The following GPATCH2 variants were observed in gnomAD, a reference collection of about 807,000 sequenced individuals.
GPATCH2 encodes the protein G patch domain-containing protein 2.
Under a neutral mutation model 58.0 loss-of-function variants are expected in GPATCH2, and 51 were observed. That is an observed-to-expected ratio of 0.88 (90% CI 0.70 to 1.11). The LOEUF is 1.11. Ranked by LOEUF, GPATCH2 falls within the 50% of genes most tolerant of loss-of-function variation. The pLI, the probability that GPATCH2 is intolerant of heterozygous loss-of-function variation, is 0.00. For synonymous variants in GPATCH2, 222 were observed against 218.5 expected (o/e 1.02, Z -0.14); for missense variants, 625 against 652.2 (o/e 0.96, Z 0.45).
chr1:217,619,908 T>C lies in GPATCH2; in HGVS notation c.648A>G (p.Ile216Met), dbSNP rs1669096538. ...CTTGGATTTTTGGTCCTTGTCTGAT[T>C]ATTTTCAACTTTCTTTTTTTGACTT... is the stretch of plus-strand genomic sequence containing the variant. ...KNKVKKRKLK[I>M]IRQGPKIQDE... is the part of the protein sequence containing the mutation. Residue 216 changes from isoleucine (I) to methionine (M), a missense_variant, in exon 2 of 10, where the codon ATA becomes ATG. Ile to Met is a conservative substitution (Grantham distance 10). Transcript: ENST00000366935. 5 of 1,613,856 alleles carry C rather than the reference T, an allele frequency of 3.1e-6. No individual in the cohort carries two copies. In the South Asian group the frequency reaches 5.5e-5, roughly 18 times the overall value.
At chr1:217,475,538 G>A (rs1220233677) in intron 8 of GPATCH2, among the ~76,000 whole-genome samples, 2 of 152,132 alleles carry the variant, frequency 1.3e-5, no homozygotes, top group African/African-American at 4.8e-5. Flanking sequence ...TAAGTTACTT[G>A]GGGCAGAGTG....
At chr1:217,457,401 G>A (rs1659991921) in intron 8 of GPATCH2, among the ~76,000 whole-genome samples, 1 of 152,118 alleles carries the variant, frequency 6.6e-6, no homozygotes, top group South Asian at 2.1e-4. Context: ...TACCTCAAAA[G>A]ATTTCATTTA....
chr1:217,431,131 C>G lies in GPATCH2; in HGVS notation c.*14G>C, dbSNP rs770118626. 3 of 1,193,380 alleles carry G rather than the reference C, an allele frequency of 2.5e-6. No homozygotes were observed. In the East Asian group the frequency reaches 7.0e-5, roughly 28 times the overall value. 73.9% of individuals were successfully genotyped at this position (1,193,380 alleles called of 1,614,324 possible). ...AGTGAATAAAGTCTGTAAAACATTT[C>G]TTCTTTGCTTTTCTTAGGCGGATTT... On this transcript the variant is annotated 3_prime_UTR_variant, in exon 10 of 10. Coordinates refer to ENST00000366935, the MANE Select transcript of GPATCH2 (RefSeq NM_018040.5).
intron 6 of GPATCH2, among the ~76,000 whole-genome samples, chr1:217,507,524 C>A (rs937014549): frequency 6.6e-6 from 1 of 152,134 alleles, no homozygotes. Context: ...TTCTGAGTCT[C>A]AGTTTCTTCC....
At chr1:217,562,783 T>C (rs1284250928) in intron 5 of GPATCH2, among the ~76,000 whole-genome samples, 1 of 152,188 alleles carries the variant, frequency 6.6e-6, no homozygotes, top group Non-Finnish European at 1.5e-5. Context: ...TTTCTTCATC[T>C]GTTAAAACGG....
Position 217,618,389 on chromosome 1 carries a change from C to T in GPATCH2, c.773+1394G>A, listed in dbSNP as rs192371657. ...CACTCGGCTAATTTTTCTATTTTTG[C>T]TAGAGACGGGGTTTCACCATACTGG... On this transcript the variant is annotated intron_variant, in intron 2 of 9. Coordinates refer to ENST00000366935, the MANE Select transcript of GPATCH2 (RefSeq NM_018040.5). Among the ~76,000 whole-genome samples, 9 of 151,850 alleles carry T rather than the reference C, an allele frequency of 5.9e-5. No homozygotes were observed. The East Asian group carries it at 1.8e-3, about 30-fold the overall frequency.
At chr1:217,543,771 T>C (rs1319667650) in intron 5 of GPATCH2, among the ~76,000 whole-genome samples, 1 of 152,170 alleles carries the variant, frequency 6.6e-6, no homozygotes, top group Non-Finnish European at 1.5e-5. Context: ...AGAAAGAGTG[T>C]ATTAAATGAA....
At chr1:217,588,345 T>A (rs968958784) in intron 5 of GPATCH2, among the ~76,000 whole-genome samples, 1 of 152,152 alleles carries the variant, frequency 6.6e-6, no homozygotes, top group Non-Finnish European at 1.5e-5. Flanking sequence ...TGCCTAAGAA[T>A]GCAATAACCA....
intron 8 of GPATCH2, among the ~76,000 whole-genome samples, chr1:217,459,646 T>G (rs1185947282): frequency 6.6e-6 from 1 of 152,202 alleles, no homozygotes; most frequent in East Asian, 1.9e-4. Context: ...CAGATTCAGA[T>G]GTAATCCCAC....
chr1:217,486,580 G>T (rs552341291), intron 8 of GPATCH2, among the ~76,000 whole-genome samples: 1 of 152,062 alleles, frequency 6.6e-6, no homozygotes, highest in African/African-American at 2.4e-5. Flanking sequence ...TGATCCTCCC[G>T]CCTTGGCCTT....
chr1:217,544,458 C>T (rs1293124686), intron 5 of GPATCH2, among the ~76,000 whole-genome samples: 1 of 152,164 alleles, frequency 6.6e-6, no homozygotes, highest in East Asian at 1.9e-4. Context: ...AACCCAGAGG[C>T]CAACATTCTT....
intron 9 of GPATCH2, among the ~76,000 whole-genome samples, chr1:217,448,612 C>G (rs1659505134): frequency 6.6e-6 from 1 of 152,194 alleles, no homozygotes; most frequent in Non-Finnish European, 1.5e-5. Context: ...GGCTTCCTGT[C>G]CTCTCCGATC....
At chr1:217,543,207 C>G (rs992097904) in intron 5 of GPATCH2, among the ~76,000 whole-genome samples, 4 of 150,940 alleles carry the variant, frequency 2.7e-5, no homozygotes, top group African/African-American at 9.7e-5. Flanking sequence ...GTGTTGGCTC[C>G]AGAGTCAGTT....
At chr1:217,581,003 G>A (rs1354206965) in intron 5 of GPATCH2, among the ~76,000 whole-genome samples, 1 of 137,064 alleles carries the variant, frequency 7.3e-6, no homozygotes, top group Non-Finnish European at 1.5e-5. Flanking sequence ...GCGACAGAGC[G>A]AGACTCCGTC....
At chr1:217,577,482 G>T (rs1287523672) in intron 5 of GPATCH2, among the ~76,000 whole-genome samples, 1 of 152,112 alleles carries the variant, frequency 6.6e-6, no homozygotes, top group Non-Finnish European at 1.5e-5. Context: ...AAGTTATATG[G>T]TAGTGTGAGG....
intron 9 of GPATCH2, among the ~76,000 whole-genome samples, chr1:217,442,921 C>T (rs921564750): frequency 6.6e-6 from 1 of 151,842 alleles, no homozygotes; most frequent in African/African-American, 2.4e-5. Context: ...TTATTTCTTC[C>T]TTTCTGGAAT....
chr1:217,443,511 A>G (rs1383687133), intron 9 of GPATCH2, among the ~76,000 whole-genome samples: 1 of 152,034 alleles, frequency 6.6e-6, no homozygotes, highest in Non-Finnish European at 1.5e-5. Context: ...CTTTATTTAT[A>G]TTTAATATTT....
chr1:217,494,693 G>A (rs1661920339), intron 7 of GPATCH2, among the ~76,000 whole-genome samples: 2 of 151,896 alleles, frequency 1.3e-5, no homozygotes, highest in Admixed American at 1.3e-4. Context: ...GCAGTGAGCC[G>A]AGATTGCGCC....
intron 5 of GPATCH2, among the ~76,000 whole-genome samples, chr1:217,606,518 G>A (rs559632623): frequency 6.6e-6 from 1 of 152,174 alleles, no homozygotes; most frequent in South Asian, 2.1e-4. Flanking sequence ...AACACTCTGA[G>A]AGGCTTGAGC....
Sources: allele counts gnomAD v4.1 joint callset (sites outside exome capture counted in the v4.1 genomes callset), GRCh38; gene constraint gnomAD v4.1.1; transcripts MANE v1.5; gene names NCBI Gene and HGNC (gene_info 2026-07-23, HGNC 2026-07-21).